Variants in PARG observed in about 807,000 individuals in gnomAD.
PARG encodes the protein mitochondrial poly(ADP-ribose) glycohydrolase.
A neutral mutation model predicts 113.0 loss-of-function variants in PARG; 35 were observed. The ratio of observed to expected loss-of-function variants is 0.31; its 90% confidence interval spans 0.24 to 0.41. The LOEUF is 0.41. Ranked by LOEUF, PARG falls within the 10% of genes least tolerant of loss-of-function variation. The pLI is 1.00. For missense variants in PARG, 797 were observed against 1,169.4 expected, an observed-to-expected ratio of 0.68 and a Z score of 4.64; for synonymous variants, 330 against 409.9, an observed-to-expected ratio of 0.81 and a Z score of 2.36.
Position 49,933,893 on chromosome 10 carries a change from A to G in PARG, c.555T>C (p.Ala185=), listed in dbSNP as rs1260833397. ...CATTTTGAGGTGACCGATCAATGTT[A>G]GCATTACTAAACTGCTCTGGTACCA... ...VTLVPEQFSN[A]NIDRSPQNDD... is the part of the protein sequence containing the mutation. Residue 185 remains alanine (A), a synonymous_variant, in exon 3 of 18, where the codon GCT becomes GCC. Coordinates refer to ENST00000616448, the MANE Select transcript of PARG (RefSeq NM_003631.5). 3.7e-6 allele frequency: 6 copies of G among 1,600,208 alleles called. No homozygotes were observed. The highest frequency in any genetic ancestry group is 3.3e-5 in the Admixed American group (2 of 59,986).
intron 15 of PARG, among the ~76,000 whole-genome samples, chr10:49,841,305 C>G (rs1032267577): frequency 2.6e-5 from 4 of 152,018 alleles, no homozygotes; most frequent in African/African-American, 7.2e-5. Context: ...GTGAATAATT[C>G]GAGGAACTAA....
At chr10:49,899,930 T>G (rs529395904) in intron 7 of PARG, among the ~76,000 whole-genome samples, 2 of 152,328 alleles carry the variant, frequency 1.3e-5, no homozygotes, top group Middle Eastern at 3.4e-3. Flanking sequence ...TAACGATAGA[T>G]AAATGAAATA....
At chr10:49,850,007 C>T (rs1845687138) in intron 13 of PARG, among the ~76,000 whole-genome samples, 1 of 151,398 alleles carries the variant, frequency 6.6e-6, no homozygotes, top group South Asian at 2.1e-4. Flanking sequence ...GACAGAGATC[C>T]TGTGTCTAAA....
At position 49,830,982 on chromosome 10, in the gene PARG, A is replaced by C. The variant is rs182264991; in HGVS notation, c.2647+1821T>G. ...TAAATTATGGTACATATGTGCATAC[A>C]ACAGAATACTGTGTAGCCACTAACA... is the stretch of plus-strand genomic sequence containing the variant. On this transcript the variant is annotated intron_variant, in intron 16 of 17. Coordinates refer to ENST00000616448, the MANE Select transcript of PARG (RefSeq NM_003631.5). Among the ~76,000 whole-genome samples the C allele has an allele frequency of 3.1e-3, 470 of 152,336 alleles. 1 individual carries two copies. The highest frequency in any genetic ancestry group is 9.5e-3 in the Admixed American group (146 of 15,296).
chr10:49,908,896 T>C (rs1837008899), intron 7 of PARG, among the ~76,000 whole-genome samples: 1 of 152,162 alleles, frequency 6.6e-6, no homozygotes. Flanking sequence ...TTTACCGCCT[T>C]AGGTCAGCTT....
intron 6 of PARG, among the ~76,000 whole-genome samples, chr10:49,917,488 C>CAAAAAA (rs71026277): frequency 2.1e-5 from 1 of 47,664 alleles, no homozygotes; most frequent in Admixed American, 2.0e-4. Flanking sequence ...GACTCCGTCT[C>CAAAAAA]AAAAAAAAAA....
chr10:49,903,938 G>A (rs1393891498), intron 7 of PARG, among the ~76,000 whole-genome samples: 81 of 152,210 alleles, frequency 5.3e-4, no homozygotes, highest in African/African-American at 2.0e-3. Flanking sequence ...GCAGCATGAA[G>A]GATGGATTTG....
chr10:49,896,120 T>G (rs1362928811), intron 7 of PARG, among the ~76,000 whole-genome samples: 2 of 152,238 alleles, frequency 1.3e-5, no homozygotes, highest in South Asian at 4.1e-4. Context: ...GGATTTCTAG[T>G]ACAATGTTAA....
At position 49,934,044 on chromosome 10, in the gene PARG, T is replaced by C; in HGVS notation, c.404A>G (p.Asp135Gly). The C allele has an allele frequency of 6.2e-7, 1 of 1,607,702 alleles. No individual in the cohort carries two copies. The change falls in exon 3 of 18, where the codon GAT becomes GGT. Residue 135 changes from aspartate (D) to glycine (G), a missense_variant. Around this residue, in one of 5 missense-constraint regions of PARG, gnomAD observed 284 missense variants for 306.1 expected, o/e 0.93. Coordinates refer to ENST00000616448, the MANE Select transcript of PARG (RefSeq NM_003631.5). ...KLENVSQLSL[D>G]KSPTEKSTQY... ...TGTACTTTTTTCAGTGGGTGACTTA[T>C]CAAGACTTAGCTGAGAAACATTTTC...
At chr10:49,905,705 A>T (rs1848553028) in intron 7 of PARG, among the ~76,000 whole-genome samples, 1 of 152,108 alleles carries the variant, frequency 6.6e-6, no homozygotes, top group South Asian at 2.1e-4. Flanking sequence ...TGCGTAATAC[A>T]ACCTGGGACA....
At chr10:49,859,915 C>T (rs1554835651) in intron 12 of PARG, among the ~76,000 whole-genome samples, 1 of 152,096 alleles carries the variant, frequency 6.6e-6, no homozygotes, top group African/African-American at 2.4e-5. Flanking sequence ...AATGTGAATG[C>T]ATCCTTATTT....
At chr10:49,897,119 A>G (rs1848126233) in intron 7 of PARG, among the ~76,000 whole-genome samples, 1 of 152,160 alleles carries the variant, frequency 6.6e-6, no homozygotes, top group Admixed American at 6.5e-5. Context: ...GCTACTGTCC[A>G]GTGATACTTA....
At chr10:49,825,621 T>C (rs1212493890) in intron 16 of PARG, among the ~76,000 whole-genome samples, 2 of 152,206 alleles carry the variant, frequency 1.3e-5, no homozygotes, top group Non-Finnish European at 2.9e-5. Flanking sequence ...ATAACAATAG[T>C]AATGAACATA....
chr10:49,820,158 T>C lies in PARG; in HGVS notation c.2776+7A>G. ...GATACCAAGTGTCAAGAGTATCTCC[T>C]ACTTACCAACAGTGAGTTTCCTTTC... On this transcript the variant is annotated splice_region_variant and intron_variant, in intron 17 of 17. Transcript: ENST00000616448. 6.5e-7 allele frequency: 1 copy of C among 1,537,876 alleles called. No individual in the cohort carries two copies.
intron 11 of PARG, among the ~76,000 whole-genome samples, chr10:49,862,011 T>A (rs1446173735): frequency 1.3e-5 from 2 of 151,892 alleles, no homozygotes; most frequent in African/African-American, 4.8e-5. Flanking sequence ...TGAGGAAAAA[T>A]GTAGAAAAAA....
intron 13 of PARG, among the ~76,000 whole-genome samples, chr10:49,853,917 TCAGTAAAAAATGGTG>T (rs1286100457): frequency 2.0e-5 from 3 of 151,904 alleles, no homozygotes; most frequent in Non-Finnish European, 4.4e-5. Flanking sequence ...TAAAAAGATA[TCAGTAAAAAATGGTG>T]CAGTAAAAAC....
chr10:49,839,589 C>A (rs571918929), intron 15 of PARG, among the ~76,000 whole-genome samples: 4 of 152,280 alleles, frequency 2.6e-5, no homozygotes, highest in African/African-American at 7.2e-5. Flanking sequence ...TTTTAAATTT[C>A]TGGTGTCTTT....
chr10:49,921,129 GTCT>G (rs1837846351), intron 6 of PARG, among the ~76,000 whole-genome samples: 1 of 152,138 alleles, frequency 6.6e-6, no homozygotes, highest in Non-Finnish European at 1.5e-5. Context: ...CACTGGGGAG[GTCT>G]TCATGGATCT....
intron 16 of PARG, among the ~76,000 whole-genome samples, chr10:49,823,385 G>C (rs1844200949): frequency 6.6e-6 from 1 of 152,062 alleles, no homozygotes; most frequent in African/African-American, 2.4e-5. Flanking sequence ...ATTTGGGAAA[G>C]AATCTATGAC....
Sources: allele counts gnomAD v4.1 joint callset (sites outside exome capture counted in the v4.1 genomes callset), GRCh38; gene constraint gnomAD v4.1.1; regional missense constraint gnomAD v4.1.1; transcripts MANE v1.5; gene names NCBI Gene and HGNC (gene_info 2026-07-23, HGNC 2026-07-21).